The following RYR3 variants were observed in gnomAD, a reference collection of about 807,000 sequenced individuals.
The protein encoded by RYR3 is brain ryanodine receptor-calcium release channel.
Under a neutral mutation model 584.3 loss-of-function variants are expected in RYR3, and 207 were observed. That is an observed-to-expected ratio of 0.35 (90% confidence interval 0.32 to 0.40). The LOEUF (loss-of-function observed/expected upper bound fraction) is 0.40, where lower values mean the gene tolerates loss of function less well. Among genes scored for constraint, RYR3 ranks in the 10% least tolerant of loss-of-function variants. The pLI is 1.00. For synonymous variants in RYR3, 2,416 were observed against 2,248.5 expected (o/e 1.07, Z -2.11); for missense variants, 5,616 against 6,089.2 (o/e 0.92, Z 2.59).
intron 31 of RYR3, among the ~76,000 whole-genome samples, chr15:33,651,297 T>C (rs2062449045): frequency 6.6e-6 from 1 of 152,242 alleles, no homozygotes; most frequent in African/African-American, 2.4e-5. Context: ...TTTAATACAT[T>C]ATTAATTGTA....
At chr15:33,446,098 A>C (rs148335481) in intron 1 of RYR3, among the ~76,000 whole-genome samples, 2 of 152,204 alleles carry the variant, frequency 1.3e-5, no homozygotes, top group Admixed American at 1.3e-4. Flanking sequence ...TACTTTATCC[A>C]TGGCGAGGTG....
chr15:33,428,945 G>A (rs1179237173), intron 1 of RYR3, among the ~76,000 whole-genome samples: 1 of 152,146 alleles, frequency 6.6e-6, no homozygotes, highest in Non-Finnish European at 1.5e-5. Context: ...AAGCTGCTGA[G>A]ATTCTTTACT....
In RYR3 at chr15:33,859,824, G is replaced by A. The variant is rs182575457; in HGVS notation, c.14299+93G>A. 7.2e-5 allele frequency: 93 copies of A among 1,293,888 alleles called. 1 individual carries two copies. The highest frequency in any genetic ancestry group is 2.8e-4 in the African/African-American group (19 of 67,456). The allele number at this position is 1,293,888 out of a possible 1,614,324, so 80.2% of individuals were successfully genotyped here. On this transcript the variant is annotated intron_variant, in intron 100 of 103. Coordinates refer to ENST00000634891, the MANE Select transcript of RYR3 (RefSeq NM_001036.6). The stretch of plus-strand genomic sequence containing the variant: ...TGACTTAATTGGTTTATGAAGAAGC[G>A]TGTGAATTCATTTACTTGTTAATTT...
At chr15:33,749,629 A>G (rs556226409) in intron 55 of RYR3, among the ~76,000 whole-genome samples, 1 of 152,152 alleles carries the variant, frequency 6.6e-6, no homozygotes, top group African/African-American at 2.4e-5. Context: ...CGCACTCCCA[A>G]CTCCCCGTCT....
intron 38 of RYR3, among the ~76,000 whole-genome samples, chr15:33,695,113 G>T (rs1390082438): frequency 5.3e-5 from 8 of 152,140 alleles, no homozygotes; most frequent in African/African-American, 1.9e-4. Flanking sequence ...TTGTCCCCTT[G>T]GCACTGCCTG....
At chr15:33,775,850 T>C (rs2073961971) in intron 64 of RYR3, among the ~76,000 whole-genome samples, 1 of 152,220 alleles carries the variant, frequency 6.6e-6, no homozygotes, top group Non-Finnish European at 1.5e-5. Context: ...ACCTTATCTT[T>C]TGGCCCCCTT....
At position 33,728,933 on chromosome 15, in the gene RYR3, C is replaced by G; in HGVS notation, c.7110C>G (p.Asp2370Glu). 1.9e-6 allele frequency: 3 copies of G among 1,613,784 alleles called. No homozygotes were observed. Among genetic ancestry groups the G allele is most frequent in the Non-Finnish European group, 2.5e-6 (3 of 1,179,816 alleles). ...AGGCACCTATGGTGCTGTTCTTGGA[C>G]CGCGTTTATGGCATTAAGGATCAAA... ...DHKAPMVLFL[D>E]RVYGIKDQTF... The change falls in exon 47 of 104, where the codon GAC becomes GAG. Residue 2370 changes from aspartate to glutamate, a missense_variant. By Grantham distance (45) the Asp-to-Glu change is conservative. Transcript: ENST00000634891.
chr15:33,617,563 A>G (rs1199326159), intron 19 of RYR3, among the ~76,000 whole-genome samples: 2 of 152,174 alleles, frequency 1.3e-5, no homozygotes, highest in Non-Finnish European at 2.9e-5. Flanking sequence ...CCATCATAGA[A>G]GTCTTCAGAG....
At position 33,670,425 on chromosome 15, in the gene RYR3, C is replaced by G. The variant is rs2063775452; in HGVS notation, c.5729C>G (p.Pro1910Arg). The change falls in exon 38 of 104, where the codon CCT (proline) becomes CGT (arginine). Residue 1910 changes from proline to arginine, a missense_variant. Physicochemically the swap from Pro to Arg is moderately radical, Grantham distance 103. Transcript: ENST00000634891. ...CTGTTCTGTGGCTTGCTAGGGGTTC[C>G]TTTGGAAGAAGAGGAAGAGGAGGAG... is the stretch of plus-strand genomic sequence containing the variant. ...HEDLLLHCGV[P>R]LEEEEEEEED... The G allele has an allele frequency of 6.2e-7, 1 of 1,613,444 alleles. No homozygotes were observed. The highest frequency in any genetic ancestry group is 1.3e-5 in the African/African-American group (1 of 74,846).
At chr15:33,780,399 C>T (rs1384700909) in intron 65 of RYR3, 58 bp downstream of exon 65, 1 of 1,579,504 alleles carries the variant, frequency 6.3e-7, no homozygotes, top group African/African-American at 1.3e-5. Context: ...GGAGAGGAGC[C>T]ACACAGGCAG....
chr15:33,507,360 TGAG>T (rs569221555), intron 3 of RYR3, among the ~76,000 whole-genome samples: 102 of 152,336 alleles, frequency 6.7e-4, no homozygotes, highest in African/African-American at 2.4e-3. Context: ...GAATCAGTGA[TGAG>T]GAGGACCTGG....
chr15:33,576,259 A>T (rs2058297012), intron 12 of RYR3, among the ~76,000 whole-genome samples: 1 of 152,206 alleles, frequency 6.6e-6, no homozygotes, highest in African/African-American at 2.4e-5. Context: ...CTCCTCCCGA[A>T]CTCATTTCAT....
chr15:33,646,711 T>C (rs145855453), intron 29 of RYR3, among the ~76,000 whole-genome samples, 185 bp downstream of exon 29: 1 of 152,384 alleles, frequency 6.6e-6, no homozygotes, highest in East Asian at 1.9e-4. Flanking sequence ...TGTGTGTTTG[T>C]GCAGTGCATA....
intron 38 of RYR3, 90 bp from the exon 39 acceptor site, chr15:33,696,127 TG>T (rs1408918328): frequency 6.4e-6 from 8 of 1,242,928 alleles, no homozygotes; most frequent in African/African-American, 4.5e-5. Context: ...CAACCAATGA[TG>T]TGTCTTCTAT....
intron 2 of RYR3, among the ~76,000 whole-genome samples, chr15:33,481,410 G>T (rs2049951928): frequency 6.6e-6 from 1 of 152,028 alleles, no homozygotes; most frequent in South Asian, 2.1e-4. Context: ...TTTAAATAAA[G>T]TAAAGTTATG....
At chr15:33,525,965 C>T (rs2054351803) in intron 3 of RYR3, among the ~76,000 whole-genome samples, 1 of 152,112 alleles carries the variant, frequency 6.6e-6, no homozygotes, top group African/African-American at 2.4e-5. Context: ...TGACTTCATC[C>T]CCTACAAGAC....
At chr15:33,794,143 C>T (rs1308088382) in intron 67 of RYR3, among the ~76,000 whole-genome samples, 85 of 111,742 alleles carry the variant, frequency 7.6e-4, no homozygotes, top group South Asian at 3.3e-3. Context: ...ATATAATATA[C>T]ATAAATATAT....
intron 3 of RYR3, among the ~76,000 whole-genome samples, chr15:33,513,380 C>T: frequency 6.6e-6 from 1 of 152,146 alleles, no homozygotes; most frequent in Non-Finnish European, 1.5e-5. Context: ...GAGTAAAAAC[C>T]TTGTGACCAA....
chr15:33,619,056 C>T (rs181310969), intron 19 of RYR3, among the ~76,000 whole-genome samples: 1 of 152,250 alleles, frequency 6.6e-6, no homozygotes, highest in Non-Finnish European at 1.5e-5. Flanking sequence ...TTCACTACTC[C>T]CAGGCAGCTC....
Sources: gnomAD v4.1 joint callset for allele counts (sites outside exome capture counted in the v4.1 genomes callset) on GRCh38, gnomAD v4.1.1 for gene constraint, MANE v1.5 for transcripts, NCBI Gene and HGNC (gene_info 2026-07-23, HGNC 2026-07-21) for gene names.